LTBP1: variants seen among roughly 807,000 people sequenced by gnomAD.
LTBP1 encodes the protein latent transforming growth factor beta binding protein 1, also known as latent-transforming growth factor beta-binding protein 1.
Under a neutral mutation model 207.6 loss-of-function variants are expected in LTBP1, and 129 were observed. The observed-to-expected ratio is 0.62, with a 90% CI of 0.54 to 0.72. The LOEUF (loss-of-function observed/expected upper bound fraction) is 0.72. Ranked by LOEUF, LTBP1 falls within the 30% of genes least tolerant of loss-of-function variation. LTBP1 has a pLI of 0.00. For missense variants in LTBP1, 2,281 were observed against 2,217.2 expected (o/e 1.03, Z -0.58); for synonymous variants, 963 against 833.7 (o/e 1.16, Z -2.67).
intron 15 of LTBP1, among the ~76,000 whole-genome samples, chr2:33,268,130 T>G (rs2093229246): frequency 6.6e-6 from 1 of 152,214 alleles, no homozygotes; most frequent in African/African-American, 2.4e-5. Flanking sequence ...TTTGCAACTT[T>G]AGAGCTACAC....
At chr2:33,223,027 C>A (rs1249149489) in intron 9 of LTBP1, among the ~76,000 whole-genome samples, 1 of 152,168 alleles carries the variant, frequency 6.6e-6, no homozygotes, top group Non-Finnish European at 1.5e-5. Context: ...GAGAACATGG[C>A]ACATGTCTTC....
At chr2:33,195,472 A>G (rs1558793751) in intron 7 of LTBP1, among the ~76,000 whole-genome samples, 1 of 152,204 alleles carries the variant, frequency 6.6e-6, no homozygotes, top group Non-Finnish European at 1.5e-5. Flanking sequence ...CAGTGGAGGA[A>G]GTCACTACAG....
chr2:32,967,833 C>G (rs886205633), intron 2 of LTBP1, among the ~76,000 whole-genome samples: 17 of 152,158 alleles, frequency 1.1e-4, no homozygotes, highest in African/African-American at 4.1e-4. Flanking sequence ...TTATTTTCAG[C>G]TAGTTGATGG....
At chr2:33,047,161 G>A (rs937788603) in intron 3 of LTBP1, among the ~76,000 whole-genome samples, 1 of 152,050 alleles carries the variant, frequency 6.6e-6, no homozygotes, top group African/African-American at 2.4e-5. Flanking sequence ...GCTAGCTTTT[G>A]AATGTGTTTG....
rs3050378 is a variant in LTBP1 at position 33,244,887 on chromosome 2, T to TC, written c.1999+1103_1999+1104insC. On this transcript the variant is annotated intron_variant, in intron 10 of 33. Coordinates refer to ENST00000404816, the MANE Select transcript of LTBP1 (RefSeq NM_206943.4). The stretch of plus-strand genomic sequence containing the variant: ...ATCTATCTATCTATCTATCTATCTA[T>TC]TTATTTTTGAGACAGAGTTTCACTT... 7.4e-3 allele frequency among the ~76,000 whole-genome samples: 1,124 copies of TC among 151,824 alleles called. 9 individuals carry two copies. The highest frequency in any genetic ancestry group is 0.024 in the African/African-American group (1,000 of 41,340).
chr2:33,226,646 G>C (rs566865484), intron 9 of LTBP1, among the ~76,000 whole-genome samples: 5 of 152,116 alleles, frequency 3.3e-5, no homozygotes, highest in African/African-American at 1.2e-4. Flanking sequence ...AGGTTATTTC[G>C]AATTTTCTAG....
chr2:33,314,159 G>A (rs751444570), intron 23 of LTBP1, among the ~76,000 whole-genome samples: 8 of 152,162 alleles, frequency 5.3e-5, no homozygotes, highest in Non-Finnish European at 5.9e-5. Context: ...AGTAGTTATT[G>A]CTTTTTGACG....
chr2:33,299,581 T>C (rs1165155174), intron 20 of LTBP1, among the ~76,000 whole-genome samples: 1 of 152,218 alleles, frequency 6.6e-6, no homozygotes, highest in East Asian at 1.9e-4. Context: ...CATGTTTTAA[T>C]AATCATAAAC....
At chr2:33,186,280 A>G (rs1161469895) in intron 5 of LTBP1, among the ~76,000 whole-genome samples, 1 of 152,198 alleles carries the variant, frequency 6.6e-6, no homozygotes, top group Non-Finnish European at 1.5e-5. Flanking sequence ...TTGTGAGTAC[A>G]TAGTAGGTAT....
intron 24 of LTBP1, among the ~76,000 whole-genome samples, chr2:33,315,933 G>A (rs553018232): frequency 1.2e-3 from 181 of 152,198 alleles, no homozygotes; most frequent in African/African-American, 3.9e-3. Context: ...GTAAGACTCC[G>A]TCTAAAAAAG....
At position 33,309,445 on chromosome 2, in the gene LTBP1, T is replaced by C; in HGVS notation, c.3493T>C (p.Cys1165Arg). Residue 1165 changes from cysteine to arginine, a missense_variant, in exon 23 of 34, where the codon TGC becomes CGC. This residue lies in a region of LTBP1 where 1,671 missense variants were observed against 1,634.8 expected (regional missense o/e 1.02). Transcript: ENST00000404816. ...AAATTGGTTTTTAGATATCAATGAATGCTTGGAGGACAAGAGTGTTTGCCA... is the reference window on the plus strand; with the variant it reads ...AAATTGGTTTTTAGATATCAATGAACGCTTGGAGGACAAGAGTGTTTGCCA... ...LGDHCEDINE[C>R]LEDKSVCQRG... The C allele has an allele frequency of 6.3e-7, 1 of 1,597,060 alleles. No individual in the cohort carries two copies. Among genetic ancestry groups the C allele is most frequent in the African/African-American group, 1.4e-5 (1 of 73,864 alleles).
At chr2:33,199,475 C>G (rs1347020009) in intron 7 of LTBP1, among the ~76,000 whole-genome samples, 2 of 152,074 alleles carry the variant, frequency 1.3e-5, no homozygotes, top group African/African-American at 4.8e-5. Flanking sequence ...GGATGTATCT[C>G]AAAATAATAA....
At chr2:33,367,739 G>T (rs1424591024) in intron 31 of LTBP1, among the ~76,000 whole-genome samples, 1 of 152,222 alleles carries the variant, frequency 6.6e-6, no homozygotes, top group East Asian at 1.9e-4. Flanking sequence ...TCTTACTGAG[G>T]CATTCCTACA....
rs1442997731 is a variant in LTBP1 at position 33,081,130 on chromosome 2, A to AC, written c.864-29452_864-29451insC. ...AGTAATATACTGGGGGGAACTTAGC[A>AC]AAGCCCCTTTGTTCAGTTCTTCTTG... On this transcript the variant is annotated intron_variant, in intron 3 of 33. Coordinates refer to ENST00000404816, the MANE Select transcript of LTBP1 (RefSeq NM_206943.4). Among the ~76,000 whole-genome samples, 3 of 13,838 alleles carry AC rather than the reference A, an allele frequency of 2.2e-4. No individual in the cohort carries two copies. In the Admixed American group the frequency reaches 5.0e-3, roughly 23 times the overall value. 9.1% of individuals were successfully genotyped at this position (13,838 alleles called of 152,430 possible).
intron 2 of LTBP1, among the ~76,000 whole-genome samples, chr2:32,992,181 C>T (rs1218781600): frequency 6.6e-6 from 1 of 152,162 alleles, no homozygotes; most frequent in Non-Finnish European, 1.5e-5. Context: ...CACAAGATGA[C>T]TTGGTTCCTG....
intron 15 of LTBP1, among the ~76,000 whole-genome samples, chr2:33,272,130 C>T (rs2093334704): frequency 6.6e-6 from 1 of 152,172 alleles, no homozygotes; most frequent in Admixed American, 6.5e-5. Flanking sequence ...GTCTCAAAGT[C>T]ACAGCACAGT....
chr2:33,365,620 T>A, intron 31 of LTBP1, 117 bp downstream of exon 31: 1 of 926,418 alleles, frequency 1.1e-6, no homozygotes, highest in South Asian at 1.7e-5. Flanking sequence ...TATCTTACTT[T>A]CATCCCGTGT....
intron 3 of LTBP1, among the ~76,000 whole-genome samples, chr2:33,040,942 A>G (rs969591642): frequency 2.6e-5 from 4 of 152,142 alleles, no homozygotes; most frequent in African/African-American, 4.8e-5. Context: ...CAATTTTACA[A>G]TGGTCACACT....
chr2:33,398,248 T>A, intron 33 of LTBP1, 116 bp from the exon 34 acceptor site: 1 of 852,674 alleles, frequency 1.2e-6, no homozygotes, highest in Non-Finnish European at 1.8e-6. Context: ...ACTGAAGCAA[T>A]GACGAGAAAG....
Sources: allele counts gnomAD v4.1 joint callset (sites outside exome capture counted in the v4.1 genomes callset), GRCh38; gene constraint gnomAD v4.1.1; regional missense constraint gnomAD v4.1.1; transcripts MANE v1.5; gene names NCBI Gene and HGNC (gene_info 2026-07-23, HGNC 2026-07-21).